Variants in ITFG1 observed in about 807,000 individuals in gnomAD.
ITFG1 encodes T-cell immunomodulatory protein.
In ITFG1, 34 loss-of-function variants were observed where a neutral mutation model predicts 81.8. That is an observed-to-expected ratio of 0.42 (90% CI 0.32 to 0.55). ITFG1 has a LOEUF of 0.55. ITFG1 is among the 20% of genes least tolerant of loss of function. The pLI, the probability that ITFG1 is intolerant of heterozygous loss-of-function variation, is 0.17. For missense variants in ITFG1, 672 were observed against 755.4 expected (o/e 0.89, Z 1.29); for synonymous variants, 285 against 270.6 (o/e 1.05, Z -0.52).
At position 47,324,402 on chromosome 16, in the gene ITFG1, T is replaced by C. The variant is rs532276357; in HGVS notation, c.803-10579A>G. Among the ~76,000 whole-genome samples the C allele has an allele frequency of 1.2e-4, 18 of 152,192 alleles. No individual in the cohort carries two copies. In the East Asian group the frequency reaches 3.3e-3, roughly 28 times the overall value. ...AAAACATGCCAAATTGTAAAGACCATCAAGGCTAGGAAGAAACTGCATCAA... is the reference window on the plus strand; with the variant it reads ...AAAACATGCCAAATTGTAAAGACCACCAAGGCTAGGAAGAAACTGCATCAA... On this transcript the variant is annotated intron_variant, in intron 8 of 17. Transcript: ENST00000320640.
At chr16:47,398,518 C>A (rs1968620339) in intron 6 of ITFG1, among the ~76,000 whole-genome samples, 1 of 152,204 alleles carries the variant, frequency 6.6e-6, no homozygotes, top group Admixed American at 6.5e-5. Flanking sequence ...TCACTTCAGT[C>A]AGCATTACTT....
At chr16:47,202,143 G>A (rs1394762902) in intron 14 of ITFG1, 4 of 152,170 alleles carry the variant, frequency 2.6e-5, no homozygotes, top group African/African-American at 9.6e-5. Context: ...ATTCTTTTAT[G>A]TTGAACTAGA....
At chr16:47,443,987 CT>C (rs1186448962) in intron 5 of ITFG1, among the ~76,000 whole-genome samples, 7 of 152,066 alleles carry the variant, frequency 4.6e-5, no homozygotes, top group Non-Finnish European at 7.4e-5. Context: ...CAGAAAATAT[CT>C]GCCATATAAC....
At chr16:47,264,995 A>C (rs2151543849) in intron 10 of ITFG1, among the ~76,000 whole-genome samples, 1 of 152,282 alleles carries the variant, frequency 6.6e-6, no homozygotes, top group Middle Eastern at 3.4e-3. Context: ...GATGGAAGTC[A>C]TAATAGTACA....
intron 14 of ITFG1, among the ~76,000 whole-genome samples, chr16:47,186,611 C>T (rs1004461622): frequency 1.3e-5 from 2 of 152,154 alleles, no homozygotes; most frequent in East Asian, 1.9e-4. Flanking sequence ...GGACATATTT[C>T]AAAATAATAA....
At chr16:47,285,520 G>C (rs1966866488) in intron 10 of ITFG1, among the ~76,000 whole-genome samples, 1 of 152,218 alleles carries the variant, frequency 6.6e-6, no homozygotes, top group Non-Finnish European at 1.5e-5. Flanking sequence ...AAATTTCAGA[G>C]GCCTGGGCTT....
At chr16:47,191,962 C>T (rs976629649) in intron 14 of ITFG1, among the ~76,000 whole-genome samples, 8 of 152,184 alleles carry the variant, frequency 5.3e-5, no homozygotes, top group African/African-American at 1.4e-4. Flanking sequence ...AGTGCCATCA[C>T]GTCTGGCTAA....
chr16:47,177,657 G>A (rs1965046810), intron 14 of ITFG1, among the ~76,000 whole-genome samples: 1 of 152,120 alleles, frequency 6.6e-6, no homozygotes, highest in Non-Finnish European at 1.5e-5. Context: ...TTAAATATTT[G>A]TTTTGATCTG....
chr16:47,322,089 A>G (rs1967456880), intron 8 of ITFG1, among the ~76,000 whole-genome samples: 1 of 152,182 alleles, frequency 6.6e-6, no homozygotes, highest in African/African-American at 2.4e-5. Context: ...AGTTCTGCAC[A>G]TATACAGAAT....
intron 8 of ITFG1, among the ~76,000 whole-genome samples, chr16:47,362,624 T>C (rs1968123708): frequency 6.6e-6 from 1 of 152,214 alleles, no homozygotes; most frequent in African/African-American, 2.4e-5. Flanking sequence ...CCAAACCATT[T>C]TTATGTCTCC....
intron 14 of ITFG1, among the ~76,000 whole-genome samples, chr16:47,173,862 G>A (rs1292167297): frequency 6.6e-6 from 1 of 152,148 alleles, no homozygotes; most frequent in Non-Finnish European, 1.5e-5. Flanking sequence ...CCAACATGGT[G>A]GAACGCCACC....
intron 8 of ITFG1, among the ~76,000 whole-genome samples, chr16:47,343,982 C>T (rs540909146): frequency 2.0e-5 from 3 of 152,108 alleles, no homozygotes; most frequent in Admixed American, 6.5e-5. Context: ...AGACAGAACA[C>T]GGATGAACCG....
intron 14 of ITFG1, chr16:47,202,402 A>G (rs1965436365): frequency 2.0e-5 from 3 of 152,242 alleles, no homozygotes; most frequent in Admixed American, 1.3e-4. Context: ...AGAAAACTAA[A>G]TATTAGAAAC....
At chr16:47,264,999 T>C (rs760651329) in intron 10 of ITFG1, among the ~76,000 whole-genome samples, 8 of 152,150 alleles carry the variant, frequency 5.3e-5, no homozygotes, top group Admixed American at 5.2e-4. Flanking sequence ...GAAGTCATAA[T>C]AGTACATTAC....
intron 8 of ITFG1, among the ~76,000 whole-genome samples, chr16:47,315,987 C>T (rs1160204262): frequency 6.6e-6 from 1 of 151,952 alleles, no homozygotes; most frequent in East Asian, 1.9e-4. Context: ...GTCCGAGTTT[C>T]GCCATGTTGT....
At chr16:47,173,645 T>C (rs1964987200) in intron 14 of ITFG1, among the ~76,000 whole-genome samples, 1 of 152,240 alleles carries the variant, frequency 6.6e-6, no homozygotes, top group African/African-American at 2.4e-5. Context: ...TATCAGACAC[T>C]CCAACCACCA....
chr16:47,458,756 A>G (rs1049106482), intron 2 of ITFG1, among the ~76,000 whole-genome samples: 1 of 152,098 alleles, frequency 6.6e-6, no homozygotes, highest in African/African-American at 2.4e-5. Flanking sequence ...ACAAAACACA[A>G]CACATGGCTA....
chr16:47,459,232 A>G, intron 1 of ITFG1, 57 bp from the exon 2 acceptor site: 1 of 1,139,604 alleles, frequency 8.8e-7, no homozygotes, highest in Non-Finnish European at 1.3e-6. Context: ...ATATCTAATC[A>G]GTGGTTACAA....
chr16:47,368,226 T>A (rs1596934993), intron 7 of ITFG1, among the ~76,000 whole-genome samples: 1 of 118,472 alleles, frequency 8.4e-6, no homozygotes, highest in Admixed American at 9.9e-5. Flanking sequence ...AGAGCGAGAC[T>A]CCGTCTCAAT....
Sources: gnomAD v4.1 joint callset for allele counts (sites outside exome capture counted in the v4.1 genomes callset) on GRCh38, gnomAD v4.1.1 for gene constraint, MANE v1.5 for transcripts, NCBI Gene and HGNC (gene_info 2026-07-23, HGNC 2026-07-21) for gene names.